Variants in BICD1 observed in about 807,000 individuals in gnomAD.
The protein encoded by BICD1 is protein bicaudal D homolog 1.
A neutral mutation model predicts 92.5 loss-of-function variants in BICD1; 35 were observed. That is an observed-to-expected ratio of 0.38 (90% CI 0.29 to 0.50). BICD1 has a LOEUF of 0.50. BICD1 is among the 20% of genes least tolerant of loss of function. The pLI is 0.93. For synonymous variants in BICD1, 429 were observed against 465.1 expected (o/e 0.92, Z 1.00); for missense variants, 950 against 1,189.8 (o/e 0.80, Z 2.97).
At chr12:32,183,854 G>T (rs1944351529) in intron 1 of BICD1, among the ~76,000 whole-genome samples, 1 of 152,180 alleles carries the variant, frequency 6.6e-6, no homozygotes. Flanking sequence ...GGGGATTGAG[G>T]CCCTTTGTTT....
intron 2 of BICD1, among the ~76,000 whole-genome samples, chr12:32,266,709 A>G (rs161979): frequency 6.6e-6 from 1 of 151,798 alleles, no homozygotes. Flanking sequence ...ATATAAAAAA[A>G]TAGCCAGGCG....
At chr12:32,354,514 T>C (rs902819936) in intron 8 of BICD1, among the ~76,000 whole-genome samples, 1 of 152,364 alleles carries the variant, frequency 6.6e-6, no homozygotes, top group Middle Eastern at 3.4e-3. Context: ...TACGCTATAA[T>C]GGACTTTGCT....
intron 2 of BICD1, among the ~76,000 whole-genome samples, chr12:32,257,371 A>G (rs192812229): frequency 0.02 from 2,949 of 148,038 alleles, 97 homozygotes; most frequent in African/African-American, 0.073. Context: ...AATATAAAAT[A>G]TGTTATTTGT....
chr12:32,374,601 CTT>C (rs987548132), intron 9 of BICD1, among the ~76,000 whole-genome samples: 1 of 122,032 alleles, frequency 8.2e-6, no homozygotes, highest in African/African-American at 3.1e-5. Context: ...GAGTTTTGCT[CTT>C]GTTACCCAGG....
chr12:32,217,121 G>A (rs1945383341), intron 2 of BICD1, among the ~76,000 whole-genome samples: 1 of 152,162 alleles, frequency 6.6e-6, no homozygotes, highest in Non-Finnish European at 1.5e-5. Context: ...GGTGATGTTG[G>A]AAACAGAGAT....
At chr12:32,346,576 AT>A (rs1864255796) in intron 8 of BICD1, among the ~76,000 whole-genome samples, 2 of 38,316 alleles carry the variant, frequency 5.2e-5, no homozygotes, top group Admixed American at 4.1e-4. Context: ...ATATATATAT[AT>A]ATATACGTGT....
chr12:32,290,216 T>C (rs1947690660), intron 2 of BICD1, among the ~76,000 whole-genome samples: 1 of 118,854 alleles, frequency 8.4e-6, no homozygotes, highest in Admixed American at 7.8e-5. Flanking sequence ...CCAATTAGTT[T>C]GTATAGCTTC....
intron 4 of BICD1, among the ~76,000 whole-genome samples, chr12:32,322,968 G>T (rs1448878193): frequency 6.6e-6 from 1 of 152,154 alleles, no homozygotes; most frequent in African/African-American, 2.4e-5. Context: ...ACTTTCCAGT[G>T]CAAATTTGCT....
rs942338077 is a variant in BICD1, at chr12:32,379,989, T to C, written c.*2362T>C. On this transcript the variant is annotated 3_prime_UTR_variant, in exon 10 of 10. Coordinates refer to ENST00000652176, the MANE Select transcript of BICD1 (RefSeq NM_001714.4). ...ATTTCTTCCAATACAAAGTGTATTA[T>C]TACGTCTATTATAAACTAGTTTCAT... The C allele has an allele frequency of 6.6e-6, 1 of 152,234 alleles. No individual in the cohort carries two copies. Among genetic ancestry groups the C allele is most frequent in the African/African-American group, 2.4e-5 (1 of 41,464 alleles). 9.4% of individuals were successfully genotyped at this position (152,234 alleles called of 1,614,324 possible).
At position 32,117,735 on chromosome 12, in the gene BICD1, CATAT is replaced by C. The variant is rs71064997; in HGVS notation, c.213+10212_213+10215del. Among the ~76,000 whole-genome samples, 462 of 134,480 alleles carry C rather than the reference CATAT, an allele frequency of 3.4e-3. 2 individuals are homozygous for C. Among genetic ancestry groups the C allele is most frequent in the African/African-American group, 0.012 (419 of 36,134 alleles). 88.2% of individuals were successfully genotyped at this position (134,480 alleles called of 152,430 possible). On this transcript the variant is annotated intron_variant, in intron 1 of 9. Transcript: ENST00000652176. ...ATACACACACACACACACACACACA[CATAT>C]ATATATATATATATATATATTTTTT...
At chr12:32,169,247 C>T (rs1291719595) in intron 1 of BICD1, among the ~76,000 whole-genome samples, 3 of 152,076 alleles carry the variant, frequency 2.0e-5, no homozygotes, top group Non-Finnish European at 4.4e-5. Flanking sequence ...ATAAAATTTA[C>T]CTACTCTGAT....
chr12:32,300,137 T>A (rs1212921127), intron 3 of BICD1, among the ~76,000 whole-genome samples: 3 of 151,972 alleles, frequency 2.0e-5, no homozygotes, highest in Non-Finnish European at 2.9e-5. Flanking sequence ...AGGCTCGCTC[T>A]GTCGCCCAGG....
intron 2 of BICD1, among the ~76,000 whole-genome samples, chr12:32,239,761 A>G (rs754036507): frequency 1.2e-4 from 18 of 151,386 alleles, no homozygotes; most frequent in South Asian, 4.2e-4. Context: ...GGCATGCACC[A>G]CCACACCCGG....
At chr12:32,284,386 A>G (rs1947504789) in intron 2 of BICD1, among the ~76,000 whole-genome samples, 1 of 152,258 alleles carries the variant, frequency 6.6e-6, no homozygotes, top group African/African-American at 2.4e-5. Flanking sequence ...TTTATTATAA[A>G]ATTTCTTTTT....
intron 1 of BICD1, among the ~76,000 whole-genome samples, chr12:32,152,648 A>C (rs910788991): frequency 1.3e-5 from 2 of 152,208 alleles, no homozygotes; most frequent in Non-Finnish European, 2.9e-5. Context: ...TTATATATAT[A>C]AACTTGGCTG....
chr12:32,330,870 C>G (rs1038809053), intron 5 of BICD1, among the ~76,000 whole-genome samples: 2 of 152,198 alleles, frequency 1.3e-5, no homozygotes, highest in African/African-American at 4.8e-5. Flanking sequence ...CGCAATGGCT[C>G]ACGCCTGTAA....
At chr12:32,129,443 T>C (rs1942456814) in intron 1 of BICD1, among the ~76,000 whole-genome samples, 1 of 146,090 alleles carries the variant, frequency 6.8e-6, no homozygotes, top group Admixed American at 7.1e-5. Flanking sequence ...GACAATTGCT[T>C]GAACCCAGGA....
At chr12:32,257,211 CAAA>C (rs35294412) in intron 2 of BICD1, among the ~76,000 whole-genome samples, 203 of 78,220 alleles carry the variant, frequency 2.6e-3, no homozygotes, top group African/African-American at 0.01. Flanking sequence ...GACTCTGTCT[CAAA>C]AAAAAAAAAA....
intron 3 of BICD1, among the ~76,000 whole-genome samples, chr12:32,304,319 A>G (rs3789974): frequency 0.18 from 27,386 of 152,212 alleles, 2,613 homozygotes; most frequent in East Asian, 0.21. Context: ...ACTAATATAT[A>G]TGCTAAAATA....
Sources: allele counts gnomAD v4.1 joint callset (sites outside exome capture counted in the v4.1 genomes callset), GRCh38; gene constraint gnomAD v4.1.1; transcripts MANE v1.5; gene names NCBI Gene and HGNC (gene_info 2026-07-23, HGNC 2026-07-21).